TCF4: variants seen among roughly 807,000 people sequenced by gnomAD.
TCF4 encodes the protein transcription factor 4.
In TCF4, 3 loss-of-function variants were observed where a neutral mutation model predicts 82.1. The ratio of observed to expected loss-of-function variants is 0.04; its 90% CI spans 0.02 to 0.09. The LOEUF (loss-of-function observed/expected upper bound fraction) is 0.09. Among genes scored for constraint, TCF4 ranks in the 10% least tolerant of loss-of-function variants. The pLI, the probability that TCF4 is intolerant of heterozygous loss-of-function variation, is 1.00. For synonymous variants in TCF4, 276 were observed against 309.6 expected (o/e 0.89, Z 1.14); for missense variants, 518 against 852.7 (o/e 0.61, Z 4.89).
At chr18:55,250,775 T>C (rs1272741994) in intron 15 of TCF4, among the ~76,000 whole-genome samples, 2 of 152,090 alleles carry the variant, frequency 1.3e-5, no homozygotes, top group Non-Finnish European at 2.9e-5. Flanking sequence ...AGACAAAATA[T>C]AATATGTGAG....
At chr18:55,628,197 C>T (rs1273405618) in intron 2 of TCF4, among the ~76,000 whole-genome samples, 1 of 152,128 alleles carries the variant, frequency 6.6e-6, no homozygotes, top group Non-Finnish European at 1.5e-5. Context: ...TCTCTTGCCC[C>T]GTATATTCAG....
chr18:55,577,127 T>A (rs1320567038), intron 3 of TCF4, among the ~76,000 whole-genome samples: 2 of 146,276 alleles, frequency 1.4e-5, no homozygotes, highest in Non-Finnish European at 3.0e-5. Context: ...TACATTTATA[T>A]ATTTATATAT....
upstream of TCF4, among the ~76,000 whole-genome samples, chr18:55,592,546 A>G (rs907656210): frequency 1.3e-5 from 2 of 152,160 alleles, no homozygotes; most frequent in Admixed American, 6.5e-5. Flanking sequence ...TAATACTAGC[A>G]CATTGGGAAT....
chr18:55,405,337 G>A (rs1335719321), intron 5 of TCF4, among the ~76,000 whole-genome samples: 17 of 152,160 alleles, frequency 1.1e-4, no homozygotes, highest in Admixed American at 6.5e-5. Context: ...TAGATAGGCA[G>A]GCAGGAAGCT....
intron 8 of TCF4, among the ~76,000 whole-genome samples, chr18:55,294,347 C>T (rs2065943297): frequency 6.6e-6 from 1 of 152,072 alleles, no homozygotes; most frequent in Admixed American, 6.6e-5. Flanking sequence ...CTACGGACTC[C>T]TTAGGAGCAA....
At chr18:55,428,051 A>G (rs1336535752) in intron 5 of TCF4, among the ~76,000 whole-genome samples, 3 of 152,194 alleles carry the variant, frequency 2.0e-5, no homozygotes, top group Non-Finnish European at 4.4e-5. Flanking sequence ...ATGAAAGACA[A>G]CTCAACTCTG....
chr18:55,326,813 A>G (rs1258916853), intron 8 of TCF4, among the ~76,000 whole-genome samples: 1 of 152,208 alleles, frequency 6.6e-6, no homozygotes, highest in Non-Finnish European at 1.5e-5. Context: ...ATTAAGGCTG[A>G]TGTTTAGTTA....
rs2144368800 is a variant in TCF4 at position 55,228,370 on chromosome 18, G to T, written c.1880-9C>A. On this transcript the variant is annotated splice_polypyrimidine_tract_variant and intron_variant, in intron 18 of 19. Coordinates refer to ENST00000354452, the MANE Select transcript of TCF4 (RefSeq NM_001083962.2). ...CGGATTCAGATTCCTTTCTGTGGAG[G>T]ATTAAAGCACAGAACCTTTGTTTAA... is the stretch of plus-strand genomic sequence containing the variant. The T allele has an allele frequency of 6.2e-7, 1 of 1,613,602 alleles. No homozygotes were observed. Among genetic ancestry groups the T allele is most frequent in the Non-Finnish European group, 8.5e-7 (1 of 1,180,020 alleles).
At chr18:55,526,383 C>T (rs564523187) in intron 3 of TCF4, among the ~76,000 whole-genome samples, 2 of 152,198 alleles carry the variant, frequency 1.3e-5, no homozygotes, top group South Asian at 2.1e-4. Flanking sequence ...TTTAATTGAA[C>T]CTTTGTTCAT....
At chr18:55,530,931 T>C (rs1294666177) in intron 3 of TCF4, among the ~76,000 whole-genome samples, 1 of 151,996 alleles carries the variant, frequency 6.6e-6, no homozygotes, top group Non-Finnish European at 1.5e-5. Context: ...TTTTCTGGGA[T>C]ACCAGAGCAT....
At chr18:55,354,060 C>T (rs1182518963) in intron 6 of TCF4, among the ~76,000 whole-genome samples, 1 of 152,192 alleles carries the variant, frequency 6.6e-6, no homozygotes, top group African/African-American at 2.4e-5. Flanking sequence ...GCAGAGCTAA[C>T]CTGTAAATCT....
At chr18:55,311,353 C>T (rs572651673) in intron 8 of TCF4, among the ~76,000 whole-genome samples, 2 of 152,288 alleles carry the variant, frequency 1.3e-5, no homozygotes, top group Non-Finnish European at 2.9e-5. Flanking sequence ...CTGTCTTGCA[C>T]GCTGTTAAGA....
At chr18:55,247,831 C>T (rs2053762540) in intron 15 of TCF4, among the ~76,000 whole-genome samples, 1 of 152,122 alleles carries the variant, frequency 6.6e-6, no homozygotes, top group South Asian at 2.1e-4. Flanking sequence ...GCTTGTTGGA[C>T]TTGATTTGTG....
chr18:55,525,020 CTTCT>C (rs911282129), intron 3 of TCF4, among the ~76,000 whole-genome samples: 1 of 152,180 alleles, frequency 6.6e-6, no homozygotes, highest in African/African-American at 2.4e-5. Context: ...TGGCTTCCTA[CTTCT>C]AAGCATGTGT....
chr18:55,578,747 G>C (rs1214006320), intron 3 of TCF4, among the ~76,000 whole-genome samples: 1 of 151,970 alleles, frequency 6.6e-6, no homozygotes, highest in Admixed American at 6.6e-5. Context: ...ACATGTGAAG[G>C]GGTGTTTGCA....
At chr18:55,445,458 A>G (rs1188328235) in intron 5 of TCF4, among the ~76,000 whole-genome samples, 1 of 152,202 alleles carries the variant, frequency 6.6e-6, no homozygotes, top group African/African-American at 2.4e-5. Context: ...CACGTCCTAC[A>G]TGGTGGGAGG....
At chr18:55,589,938 C>T (rs1013119689), upstream of TCF4, 1 of 640,716 alleles carries the variant, frequency 1.6e-6, no homozygotes, top group South Asian at 7.0e-5. Flanking sequence ...TGGTCGACCA[C>T]GCCTCCTCCG....
At chr18:55,562,520 C>T (rs2097363762) in intron 3 of TCF4, among the ~76,000 whole-genome samples, 1 of 152,096 alleles carries the variant, frequency 6.6e-6, no homozygotes, top group Non-Finnish European at 1.5e-5. Context: ...AAGTTCTGGA[C>T]AAGAAGTTAG....
At position 55,585,875 on chromosome 18, in the gene TCF4, T is replaced by A. The variant is rs1487309237; in HGVS notation, c.73-523A>T. On this transcript the variant is annotated intron_variant, in intron 2 of 19. Transcript: ENST00000354452. ...TTTGAAGCAAGACTCTCTCTCTCTCTCACTCTCACTCTCTCTTTCACTCCC... is the reference window on the plus strand; with the variant it reads ...TTTGAAGCAAGACTCTCTCTCTCTCACACTCTCACTCTCTCTTTCACTCCC... 3 of 1,189,020 alleles carry A rather than the reference T, an allele frequency of 2.5e-6. No individual in the cohort carries two copies. In the African/African-American group the frequency reaches 4.6e-5, roughly 18 times the overall value. 73.7% of individuals were successfully genotyped at this position (1,189,020 alleles called of 1,614,324 possible). A position where few individuals can be genotyped will look rare whatever the true frequency, so the allele number is the denominator to read the frequency against.
Sources: gnomAD v4.1 joint callset for allele counts (sites outside exome capture counted in the v4.1 genomes callset) on GRCh38, gnomAD v4.1.1 for gene constraint, MANE v1.5 for transcripts, NCBI Gene and HGNC (gene_info 2026-07-23, HGNC 2026-07-21) for gene names.